The following DYRK3 variants were observed in gnomAD, a reference collection of about 807,000 sequenced individuals.
The protein encoded by DYRK3 is dual specificity tyrosine-phosphorylation-regulated kinase 3.
A neutral mutation model predicts 40.8 loss-of-function variants in DYRK3; 30 were observed. That is an observed-to-expected ratio of 0.74 (90% CI 0.55 to 1.00). DYRK3 has a LOEUF of 1.00. Ranked by LOEUF, DYRK3 falls within the 50% of genes least tolerant of loss-of-function variation. The probability of loss-of-function intolerance (pLI) is 0.00; values close to 1 mark genes in which losing one functional copy is unlikely to be tolerated. For missense variants in DYRK3, 699 were observed against 731.5 expected (o/e 0.96, Z 0.51); for synonymous variants, 272 against 260.7 (o/e 1.04, Z -0.42).
Position 206,647,407 on chromosome 1 carries a change from CAGG to C in DYRK3, c.212_214del (p.Gly71del). The C allele has an allele frequency of 6.2e-7, 1 of 1,611,854 alleles. No homozygotes were observed. Among genetic ancestry groups the C allele is most frequent in the South Asian group, 1.1e-5 (1 of 90,674 alleles). ...TCATAGATGACCACTGAGCAGTTTA[CAGG>C]AGATCATACTCAGCACTTTTTGGAT... is the stretch of plus-strand genomic sequence containing the variant. On this transcript the variant is annotated inframe_deletion, in exon 3 of 3. Transcript: ENST00000367109.
intron 2 of DYRK3, among the ~76,000 whole-genome samples, chr1:206,644,172 TTACAGGCACACAC>T (rs1470858668): frequency 6.6e-6 from 1 of 151,620 alleles, no homozygotes; most frequent in Non-Finnish European, 1.5e-5. Flanking sequence ...GTAGCTGGGA[TTACAGGCACACAC>T]TACCACACCT....
rs1671524434 is a variant in DYRK3, at chr1:206,648,296, C to G, written c.1098C>G (p.Leu366=). ...FGSSCFEYQK[L]YTYIQSRFYR... is the part of the protein sequence containing the mutation. Reference sequence around the variant, plus strand: ...CCAGCTGTTTCGAGTACCAGAAGCTCTACACATATATCCAGTCTCGGTTCT... The same window carrying G: ...CCAGCTGTTTCGAGTACCAGAAGCTGTACACATATATCCAGTCTCGGTTCT... Residue 366 remains leucine (L), a synonymous_variant, in exon 3 of 3, where the codon CTC becomes CTG. Transcript: ENST00000367109. 6.2e-7 allele frequency: 1 copy of G among 1,614,192 alleles called. No homozygotes were observed. The highest frequency in any genetic ancestry group is 1.1e-5 in the South Asian group (1 of 91,078).
chr1:206,652,622 A>C lies in DYRK3; in HGVS notation c.*3657A>C, dbSNP rs1198053881. 3.3e-5 allele frequency among the ~76,000 whole-genome samples: 5 copies of C among 152,302 alleles called. No homozygotes were observed. Among genetic ancestry groups the C allele is most frequent in the African/African-American group, 1.2e-4 (5 of 41,556 alleles). ...TACCTGTCTTCTGCAGGCCAATTCA[A>C]GTTTGAGGAGAGTGGGCTGCTTAAA... On this transcript the variant is annotated 3_prime_UTR_variant, in exon 3 of 3. Transcript: ENST00000367109.
rs1388561632 is a variant in DYRK3 at position 206,649,517 on chromosome 1, T to C, written c.*552T>C. Among the ~76,000 whole-genome samples, 2 of 152,228 alleles carry C rather than the reference T, an allele frequency of 1.3e-5. No homozygotes were observed. Among genetic ancestry groups the C allele is most frequent in the South Asian group, 2.1e-4 (1 of 4,834 alleles). On this transcript the variant is annotated 3_prime_UTR_variant, in exon 3 of 3. Coordinates refer to ENST00000367109, the MANE Select transcript of DYRK3 (RefSeq NM_003582.4). The stretch of plus-strand genomic sequence containing the variant: ...GTGTCCCTGGTTTTCAGTGACTCGC[T>C]CCTCTTCCCTTCAGTTCTCTGATGT...
At chr1:206,642,789 G>A (rs547466111) in intron 2 of DYRK3, among the ~76,000 whole-genome samples, 1 of 152,040 alleles carries the variant, frequency 6.6e-6, no homozygotes, top group Non-Finnish European at 1.5e-5. Flanking sequence ...GTGGGAGGAG[G>A]GGGGAGGGAT....
rs1328833982 is a variant in DYRK3, at chr1:206,649,795, T to C, written c.*830T>C. Among the ~76,000 whole-genome samples the C allele has an allele frequency of 1.3e-5, 2 of 152,212 alleles. No homozygotes were observed. The highest frequency in any genetic ancestry group is 6.5e-5 in the Admixed American group (1 of 15,278). ...CTGCAGTTCCCCAGCTTTGTGGTAC[T>C]CCACGGACCAGCCTCCTTGCTGCAT... On this transcript the variant is annotated 3_prime_UTR_variant, in exon 3 of 3. Transcript: ENST00000367109.
At chr1:206,642,919 T>TATA (rs1166301224) in intron 2 of DYRK3, among the ~76,000 whole-genome samples, 4 of 151,290 alleles carry the variant, frequency 2.6e-5, no homozygotes, top group African/African-American at 9.7e-5. Context: ...CCCTATAACT[T>TATA]ATAATAATAA....
chr1:206,646,184 GT>G (rs1671449271), intron 2 of DYRK3, among the ~76,000 whole-genome samples: 2 of 152,142 alleles, frequency 1.3e-5, no homozygotes, highest in Non-Finnish European at 2.9e-5. Flanking sequence ...CCAGTATGAT[GT>G]TTTGATACAC....
Position 206,651,422 on chromosome 1 carries a change from C to T in DYRK3, c.*2457C>T, listed in dbSNP as rs1196925326. On this transcript the variant is annotated 3_prime_UTR_variant, in exon 3 of 3. Coordinates refer to ENST00000367109, the MANE Select transcript of DYRK3 (RefSeq NM_003582.4). Reference sequence around the variant, plus strand: ...TTCACTGTGTTCTTGGATCAGCCTTCTTTCAACTACCAAGAAATGGATGAT... The same window carrying T: ...TTCACTGTGTTCTTGGATCAGCCTTTTTTCAACTACCAAGAAATGGATGAT... Among the ~76,000 whole-genome samples, 1 of 152,232 alleles carries T rather than the reference C, an allele frequency of 6.6e-6. No homozygotes were observed. Among genetic ancestry groups the T allele is most frequent in the Admixed American group, 6.5e-5 (1 of 15,286 alleles).
intron 1 of DYRK3, among the ~76,000 whole-genome samples, chr1:206,637,364 GTTA>G (rs1461808772): frequency 6.6e-6 from 1 of 152,218 alleles, no homozygotes; most frequent in African/African-American, 2.4e-5. Flanking sequence ...CAAGTAGTAA[GTTA>G]TTATGAGATC....
rs1406898217 is a variant in DYRK3, at chr1:206,651,657, T to C, written c.*2692T>C. ...CCAGTTGAAACAAAGCATGAGTTAT[T>C]TTTATATCGAGTCCTTGAACTGCTA... On this transcript the variant is annotated 3_prime_UTR_variant, in exon 3 of 3. Transcript: ENST00000367109. Among the ~76,000 whole-genome samples the C allele has an allele frequency of 2.0e-5, 3 of 152,154 alleles. No individual in the cohort carries two copies. Among genetic ancestry groups the C allele is most frequent in the Non-Finnish European group, 4.4e-5 (3 of 68,032 alleles).
Position 206,649,990 on chromosome 1 carries a change from A to G in DYRK3, c.*1025A>G, listed in dbSNP as rs1335035082. Among the ~76,000 whole-genome samples the G allele has an allele frequency of 6.6e-6, 1 of 152,242 alleles. No homozygotes were observed. The highest frequency in any genetic ancestry group is 1.5e-5 in the Non-Finnish European group (1 of 68,040). On this transcript the variant is annotated 3_prime_UTR_variant, in exon 3 of 3. Transcript: ENST00000367109. ...TATTCCCTAGATCTGAGTGAACTTC[A>G]GTTAGAAGAAGAAAACTAAAAATCC... is the stretch of plus-strand genomic sequence containing the variant.
Position 206,653,774 on chromosome 1 carries a change from A to G in DYRK3, c.*4809A>G, listed in dbSNP as rs1352194699. On this transcript the variant is annotated 3_prime_UTR_variant, in exon 3 of 3. Transcript: ENST00000367109. ...TTCTGCCCCACAGGGGCTCTGAAAG[A>G]GTCTAGCCTGGATCTTCTTTCCCAG... Among the ~76,000 whole-genome samples, 1 of 152,264 alleles carries G rather than the reference A, an allele frequency of 6.6e-6. No homozygotes were observed. Among genetic ancestry groups the G allele is most frequent in the East Asian group, 1.9e-4 (1 of 5,206 alleles).
At chr1:206,639,951 T>TTTTC (rs1558555580) in intron 2 of DYRK3, among the ~76,000 whole-genome samples, 2 of 148,160 alleles carry the variant, frequency 1.3e-5, no homozygotes, top group African/African-American at 5.0e-5. Context: ...TTTTTTTTTT[T>TTTTC]TGAGACCGAG....
At chr1:206,646,703 C>G (rs1671465868) in intron 2 of DYRK3, among the ~76,000 whole-genome samples, 2 of 152,200 alleles carry the variant, frequency 1.3e-5, no homozygotes, top group Non-Finnish European at 2.9e-5. Flanking sequence ...CCCTGCTAGT[C>G]TACAGGTGCT....
intron 2 of DYRK3, 55 bp downstream of exon 2, chr1:206,637,816 C>A: frequency 1.5e-6 from 2 of 1,371,880 alleles, no homozygotes; most frequent in Non-Finnish European, 2.1e-6. Flanking sequence ...GGAGGAAGTG[C>A]TACTTAATGC....
intron 2 of DYRK3, among the ~76,000 whole-genome samples, chr1:206,642,937 A>T (rs1671332835): frequency 6.6e-6 from 1 of 151,400 alleles, no homozygotes; most frequent in East Asian, 1.9e-4. Context: ...TAATAATAAA[A>T]ATATAATAAT....
At position 206,654,503 on chromosome 1, in the gene DYRK3, AAT is replaced by A. The variant is rs1671703824; in HGVS notation, c.*5543_*5544del. ...GCCAGGGATTAGCCTCCTAGTTTTA[AAT>A]ATATTTTTAATATCCCCATTTTAAC... On this transcript the variant is annotated 3_prime_UTR_variant, in exon 3 of 3. Coordinates refer to ENST00000367109, the MANE Select transcript of DYRK3 (RefSeq NM_003582.4). 6.6e-6 allele frequency among the ~76,000 whole-genome samples: 1 copy of A among 152,220 alleles called. No individual in the cohort carries two copies. Among genetic ancestry groups the A allele is most frequent in the Non-Finnish European group, 1.5e-5 (1 of 68,038 alleles).
intron 2 of DYRK3, among the ~76,000 whole-genome samples, chr1:206,640,478 G>A (rs1671256832): frequency 1.3e-5 from 2 of 151,980 alleles, no homozygotes; most frequent in Non-Finnish European, 2.9e-5. Flanking sequence ...TTGGGAGCTG[G>A]GGAAAAGGTA....
Sources: gnomAD v4.1 joint callset for allele counts (sites outside exome capture counted in the v4.1 genomes callset) on GRCh38, gnomAD v4.1.1 for gene constraint, MANE v1.5 for transcripts, NCBI Gene and HGNC (gene_info 2026-07-23, HGNC 2026-07-21) for gene names.